The following FMO1 variants were observed in gnomAD, a reference collection of about 807,000 sequenced individuals.
FMO1 encodes the protein flavin-containing monooxygenase 1.
In FMO1, 36 loss-of-function variants were observed where a neutral mutation model predicts 45.4. The observed-to-expected ratio is 0.79, with a 90% CI of 0.61 to 1.05. The LOEUF (loss-of-function observed/expected upper bound fraction) is 1.05, where lower values mean the gene tolerates loss of function less well. FMO1 is among the 50% of genes least tolerant of loss of function. The pLI is 0.00. For synonymous variants in FMO1, 228 were observed against 227.2 expected (o/e 1.00, Z -0.03); for missense variants, 615 against 640.3 (o/e 0.96, Z 0.43).
At chr1:171,261,717 C>T (rs538975689) in intron 2 of FMO1, among the ~76,000 whole-genome samples, 4 of 152,112 alleles carry the variant, frequency 2.6e-5, no homozygotes, top group East Asian at 1.9e-4. Flanking sequence ...GACCCCGTTC[C>T]GTTCTCCATA....
chr1:171,265,043 T>G lies in FMO1; in HGVS notation c.133-2500T>G, dbSNP rs145721851. On this transcript the variant is annotated intron_variant, in intron 2 of 8. Coordinates refer to ENST00000617670, the MANE Select transcript of FMO1 (RefSeq NM_001282693.2). Reference sequence around the variant, plus strand: ...CTACAGAGCTGTGCTTCTCAAACAGTGAAGAACAATCAAGTTTTTTTCCAA... The same window carrying G: ...CTACAGAGCTGTGCTTCTCAAACAGGGAAGAACAATCAAGTTTTTTTCCAA... Among the ~76,000 whole-genome samples, 47 of 152,196 alleles carry G rather than the reference T, an allele frequency of 3.1e-4. 1 individual carries two copies. Among genetic ancestry groups the G allele is most frequent in the Non-Finnish European group, 3.8e-4 (26 of 68,000 alleles).
At chr1:171,263,368 T>G (rs537129109) in intron 2 of FMO1, among the ~76,000 whole-genome samples, 2 of 152,316 alleles carry the variant, frequency 1.3e-5, no homozygotes, top group Non-Finnish European at 2.9e-5. Flanking sequence ...ATCAGCCAGC[T>G]AAAAATGTAG....
chr1:171,271,519 G>A (rs190872452), intron 3 of FMO1: 12 of 877,376 alleles, frequency 1.4e-5, no homozygotes, highest in East Asian at 1.2e-4. Flanking sequence ...TGCTCTTCCC[G>A]ACAAGTTTGC....
chr1:171,260,568 G>A (rs936448199), intron 2 of FMO1, among the ~76,000 whole-genome samples: 5 of 152,094 alleles, frequency 3.3e-5, no homozygotes, highest in Non-Finnish European at 7.4e-5. Flanking sequence ...CAATTCTATC[G>A]AGAAAATATG....
chr1:171,250,903 A>C (rs1659858971), intron 1 of FMO1, among the ~76,000 whole-genome samples: 1 of 152,192 alleles, frequency 6.6e-6, no homozygotes, highest in Admixed American at 6.5e-5. Context: ...TTAAATATCT[A>C]TGCTGGGGTT....
At chr1:171,265,673 T>A (rs1394327109) in intron 2 of FMO1, among the ~76,000 whole-genome samples, 1 of 152,196 alleles carries the variant, frequency 6.6e-6, no homozygotes, top group African/African-American at 2.4e-5. Context: ...AAATTGCAGT[T>A]CTCCATGTTA....
intron 4 of FMO1, among the ~76,000 whole-genome samples, chr1:171,276,945 T>G (rs1661137571): frequency 6.6e-6 from 1 of 152,172 alleles, no homozygotes; most frequent in Non-Finnish European, 1.5e-5. Context: ...GTCGCCCACT[T>G]AACTTTTCTA....
chr1:171,271,754 T>C (rs1660877032), intron 3 of FMO1: 1 of 469,654 alleles, frequency 2.1e-6, no homozygotes, highest in Non-Finnish European at 3.7e-6. Flanking sequence ...ATTTAGGGTA[T>C]CTGGCAGAAG....
chr1:171,248,789 G>A (rs372285985), intron 1 of FMO1, among the ~76,000 whole-genome samples, 166 bp downstream of exon 1: 2 of 151,682 alleles, frequency 1.3e-5, no homozygotes, highest in Non-Finnish European at 2.9e-5. Context: ...CAAAGTATAG[G>A]AGTAGTAAAT....
At chr1:171,249,955 C>T (rs1018563877) in intron 1 of FMO1, among the ~76,000 whole-genome samples, 5 of 152,110 alleles carry the variant, frequency 3.3e-5, no homozygotes, top group Non-Finnish European at 7.4e-5. Flanking sequence ...GAAAATAAAA[C>T]TCTTGCCCAG....
chr1:171,254,081 T>G (rs1660035374), intron 1 of FMO1: 1 of 146,906 alleles, frequency 6.8e-6, no homozygotes, highest in African/African-American at 2.4e-5. Context: ...TACAGCAAAT[T>G]TTTACTGAGT....
rs1219777448 is a variant in FMO1, at chr1:171,267,644, T to A, written c.234T>A (p.Tyr78Ter). 3.7e-6 allele frequency: 6 copies of A among 1,614,122 alleles called. No homozygotes were observed. The highest frequency in any genetic ancestry group is 5.1e-6 in the Non-Finnish European group (6 of 1,179,948). ...CAGACTTTCCATTCCCAGAAGATTA[T>A]CCAAACTATGTGCCAAATTCTCAAT... is the stretch of plus-strand genomic sequence containing the variant. ...CYSDFPFPED[Y>*]PNYVPNSQFL... The change falls in exon 3 of 9, where the codon TAT becomes TAA. Residue 78 changes from tyrosine (Y) to a stop codon, truncating the protein, a stop_gained. Coordinates refer to ENST00000617670, the MANE Select transcript of FMO1 (RefSeq NM_001282693.2). LOFTEE classifies it high-confidence loss of function.
intron 3 of FMO1, among the ~76,000 whole-genome samples, chr1:171,273,282 G>T (rs967553628): frequency 3.9e-5 from 6 of 152,064 alleles, no homozygotes; most frequent in African/African-American, 1.4e-4. Flanking sequence ...TTTGTAAATT[G>T]CCCAGTCTCT....
chr1:171,251,132 T>C (rs553134618), intron 1 of FMO1, among the ~76,000 whole-genome samples: 109 of 152,334 alleles, frequency 7.2e-4, no homozygotes, highest in Non-Finnish European at 1.3e-3. Flanking sequence ...ACCTTTGATG[T>C]ACGGCAGGTG....
intron 4 of FMO1, among the ~76,000 whole-genome samples, chr1:171,278,324 T>G (rs1661195116): frequency 6.6e-6 from 1 of 152,270 alleles, no homozygotes; most frequent in African/African-American, 2.4e-5. Context: ...AAAGAGATAC[T>G]GACTCACAGT....
chr1:171,285,082 A>G (rs1462861466), intron 8 of FMO1, 120 bp from the exon 9 acceptor site: 2 of 620,002 alleles, frequency 3.2e-6, no homozygotes, highest in Non-Finnish European at 5.5e-6. Flanking sequence ...AATAAAGGGG[A>G]AAATGCAGAA....
intron 2 of FMO1, among the ~76,000 whole-genome samples, chr1:171,260,397 A>G (rs565049922): frequency 6.6e-6 from 1 of 152,224 alleles, no homozygotes; most frequent in African/African-American, 2.4e-5. Context: ...AGGAAAAGGG[A>G]GGAGTGGAAT....
chr1:171,267,494 TA>T, intron 2 of FMO1, 48 bp from the exon 3 acceptor site: 1 of 1,426,556 alleles, frequency 7.0e-7, no homozygotes, highest in African/African-American at 1.4e-5. Context: ...TTCCCAGGCT[TA>T]TTTATGAGCA....
chr1:171,278,882 G>T lies in FMO1; in HGVS notation c.627+11G>T, dbSNP rs752240581. The T allele has an allele frequency of 6.3e-7, 1 of 1,594,384 alleles. No individual in the cohort carries two copies. Among genetic ancestry groups the T allele is most frequent in the Non-Finnish European group, 8.6e-7 (1 of 1,168,520 alleles). On this transcript the variant is annotated intron_variant, in intron 5 of 8. Coordinates refer to ENST00000617670, the MANE Select transcript of FMO1 (RefSeq NM_001282693.2). ...CACCTGGCGGAAAAGGTACATTCCT[G>T]ATGTTACTGGGTGAAGAGCTTTATC...
Sources: allele counts gnomAD v4.1 joint callset (sites outside exome capture counted in the v4.1 genomes callset), GRCh38; gene constraint gnomAD v4.1.1; transcripts MANE v1.5; gene names NCBI Gene and HGNC (gene_info 2026-07-23, HGNC 2026-07-21).